SNIP1: variants seen among roughly 807,000 people sequenced by gnomAD.
SNIP1 encodes the protein Smad nuclear interacting protein 1.
SNIP1 carries 23 observed loss-of-function variants against 37.4 expected under a neutral mutation model. That is an observed-to-expected ratio of 0.61 (90% CI 0.44 to 0.87). The LOEUF (loss-of-function observed/expected upper bound fraction) is 0.87. Among genes scored for constraint, SNIP1 ranks in the 40% least tolerant of loss-of-function variants. The probability of loss-of-function intolerance (pLI) is 0.00; values close to 1 mark genes in which losing one functional copy is unlikely to be tolerated. For synonymous variants in SNIP1, 174 were observed against 200.0 expected (o/e 0.87, Z 1.10); for missense variants, 459 against 540.4 (o/e 0.85, Z 1.49).
chr1:37,539,223 A>T (rs1325974482), intron 3 of SNIP1, among the ~76,000 whole-genome samples: 1 of 152,146 alleles, frequency 6.6e-6, no homozygotes, highest in African/African-American at 2.4e-5. Flanking sequence ...AATTATCCCG[A>T]ATTCCCCCGG....
intron 2 of SNIP1, among the ~76,000 whole-genome samples, chr1:37,547,176 C>T (rs140869180): frequency 1.8e-4 from 27 of 152,280 alleles, no homozygotes; most frequent in African/African-American, 5.8e-4. Context: ...AAATTAAGGT[C>T]ATACTGAAGT....
At chr1:37,550,040 A>G (rs1031253640) in intron 2 of SNIP1, among the ~76,000 whole-genome samples, 2 of 151,612 alleles carry the variant, frequency 1.3e-5, no homozygotes, top group Non-Finnish European at 2.9e-5. Context: ...ATTCATAGGC[A>G]AAAAAAACAA....
Position 37,554,094 on chromosome 1 carries a change from G to A in SNIP1, c.136C>T (p.Pro46Ser), listed in dbSNP as rs747440469. The change falls in exon 1 of 4, where the codon CCG becomes TCG. Residue 46 changes from proline to serine, a missense_variant. By Grantham distance (74) the Pro-to-Ser change is moderately conservative. Coordinates refer to ENST00000296215, the MANE Select transcript of SNIP1 (RefSeq NM_024700.4). ...PEVAPPAHRR[P>S]DHSGGSPSPP... The stretch of plus-strand genomic sequence containing the variant: ...GACGGGCTACCACCGGAGTGGTCCG[G>A]ACGGCGGTGGGCGGGAGGTGCGACT... 5.0e-6 allele frequency: 8 copies of A among 1,610,280 alleles called. No individual in the cohort carries two copies. Among genetic ancestry groups the A allele is most frequent in the East Asian group, 2.2e-5 (1 of 44,776 alleles).
At chr1:37,544,766 A>G in intron 2 of SNIP1, 1 of 707,064 alleles carries the variant, frequency 1.4e-6, no homozygotes, top group Non-Finnish European at 2.6e-6. Flanking sequence ...CACCACCATG[A>G]CGACTGCGCG....
chr1:37,551,510 A>T (rs1275598113), intron 2 of SNIP1, among the ~76,000 whole-genome samples: 2 of 152,208 alleles, frequency 1.3e-5, no homozygotes, highest in African/African-American at 4.8e-5. Flanking sequence ...TGTATTAATA[A>T]CTTTTTGGAG....
chr1:37,551,119 A>G (rs2148117521), intron 2 of SNIP1, among the ~76,000 whole-genome samples: 1 of 144,118 alleles, frequency 6.9e-6, no homozygotes, highest in South Asian at 2.1e-4. Context: ...ACACACAAAG[A>G]AAAGATGTCC....
intron 2 of SNIP1, among the ~76,000 whole-genome samples, chr1:37,550,670 A>G (rs1190960576): frequency 1.3e-5 from 2 of 151,488 alleles, no homozygotes; most frequent in Admixed American, 1.3e-4. Flanking sequence ...TCGCGCCATT[A>G]CACTCCAGCC....
chr1:37,535,230 T>TGA lies in SNIP1; in HGVS notation c.*2517_*2518insTC, dbSNP rs1553165371. 5.8e-5 allele frequency: 1 copy of TGA among 17,294 alleles called. No individual in the cohort carries two copies. Among genetic ancestry groups the TGA allele is most frequent in the African/African-American group, 1.3e-4 (1 of 7,984 alleles). 1.1% of individuals were successfully genotyped at this position (17,294 alleles called of 1,614,324 possible). ...ACTAAAAAAAAATAAAAAATAAAAATTATATATATAAATTAGCCAGGCTTG... is the reference window on the plus strand; with the variant it reads ...ACTAAAAAAAAATAAAAAATAAAAATGATATATATATAAATTAGCCAGGCTTG... On this transcript the variant is annotated 3_prime_UTR_variant, in exon 4 of 4. Transcript: ENST00000296215.
In SNIP1 at chr1:37,540,170, C is replaced by T. The variant is rs1292133891; in HGVS notation, c.913G>A (p.Val305Ile). The T allele has an allele frequency of 6.3e-7, 1 of 1,586,736 alleles. No individual in the cohort carries two copies. Reference protein sequence around the residue: ...DHPSCSKQHAVFQYRLVEYTR... With the variant: ...DHPSCSKQHAIFQYRLVEYTR... ...CATGTTACTTACCGATATTGAAAGA[C>T]CGCATGCTGCTTTGAACAAGACGGG... Residue 305 changes from valine (V) to isoleucine (I), a missense_variant, in exon 3 of 4, where the codon GTC (valine) becomes ATC (isoleucine). Val to Ile is a conservative substitution (Grantham distance 29). Transcript: ENST00000296215. The surrounding 1 kb of genome is among the most constrained non-coding windows in gnomAD (Gnocchi z 5.6).
In SNIP1 at chr1:37,540,209, T is replaced by A. The variant is rs766469835; in HGVS notation, c.874A>T (p.Ile292Phe). Residue 292 changes from isoleucine to phenylalanine, a missense_variant, in exon 3 of 4, where the codon ATT (isoleucine) becomes TTT (phenylalanine). By Grantham distance (21) the Ile-to-Phe change is conservative. Coordinates refer to ENST00000296215, the MANE Select transcript of SNIP1 (RefSeq NM_024700.4). This position sits in a 1 kb window ranked among gnomAD's most constrained non-coding sequence, Gnocchi z 5.6. ...GAACAAGACGGGTGATCAATTGGAATGTCTGCAATGCGGCGGTGTCGACCC... is the reference window on the plus strand; with the variant it reads ...GAACAAGACGGGTGATCAATTGGAAAGTCTGCAATGCGGCGGTGTCGACCC... ...LLGRHRRIAD[I>F]PIDHPSCSKQ... 6.2e-7 allele frequency: 1 copy of A among 1,608,552 alleles called. No individual in the cohort carries two copies.
intron 1 of SNIP1, 58 bp downstream of exon 1, chr1:37,553,948 G>T: frequency 6.6e-7 from 1 of 1,524,746 alleles, no homozygotes; most frequent in Non-Finnish European, 8.9e-7. Flanking sequence ...CGCTAGCCCT[G>T]CCCGCCTTTC....
chr1:37,545,118 C>T (rs568523411), intron 2 of SNIP1: 9 of 741,004 alleles, frequency 1.2e-5, no homozygotes, highest in Admixed American at 1.0e-4. Context: ...AAACTGGCCA[C>T]CGACAAAATT....
intron 2 of SNIP1, 28 bp downstream of exon 2, chr1:37,552,617 A>ACC (rs1479096293): frequency 1.3e-6 from 2 of 1,560,446 alleles, no homozygotes; most frequent in Non-Finnish European, 1.8e-6. Context: ...CTCAATTTGG[A>ACC]CCCATCAAAA....
chr1:37,540,637 T>C lies in SNIP1; in HGVS notation c.446A>G (p.Gln149Arg), dbSNP rs1425435996. The C allele has an allele frequency of 6.2e-7, 1 of 1,614,132 alleles. No homozygotes were observed. Among genetic ancestry groups the C allele is most frequent in the South Asian group, 1.1e-5 (1 of 91,078 alleles). The change falls in exon 3 of 4, where the codon CAA (glutamine) becomes CGA (arginine). Residue 149 changes from glutamine (Q) to arginine (R), a missense_variant. Gln to Arg is a conservative substitution (Grantham distance 43). Coordinates refer to ENST00000296215, the MANE Select transcript of SNIP1 (RefSeq NM_024700.4). This position sits in a 1 kb window ranked among gnomAD's most constrained non-coding sequence, Gnocchi z 5.6. ...AGGCCTCTCGTTAGACGTTCTCCTTTGGTGGGAATGGCCCCGGTGTCTGTC... is the reference window on the plus strand; with the variant it reads ...AGGCCTCTCGTTAGACGTTCTCCTTCGGTGGGAATGGCCCCGGTGTCTGTC... ...DRDRHRGHSH[Q>R]RRTSNERPGS...
Position 37,545,789 on chromosome 1 carries a change from C to T in SNIP1, c.328-5034G>A, listed in dbSNP as rs370299691. Among the ~76,000 whole-genome samples the T allele has an allele frequency of 3.9e-4, 59 of 152,082 alleles. 1 individual carries two copies. The South Asian group carries it at 0.011, about 29-fold the overall frequency. The stretch of plus-strand genomic sequence containing the variant: ...CCTGGGTAACATAGTGAGACCCACC[C>T]GCCGCCCTCTCTAAAAATAATAATA... On this transcript the variant is annotated intron_variant, in intron 2 of 3. Coordinates refer to ENST00000296215, the MANE Select transcript of SNIP1 (RefSeq NM_024700.4).
rs1038842056 is a variant in SNIP1, at chr1:37,545,110, A to T, written c.328-4355T>A. ...ATCAGTCACTACTGGAACTGCACAA[A>T]CTGGCCACCGACAAAATTACCCCCA... On this transcript the variant is annotated intron_variant, in intron 2 of 3. Transcript: ENST00000296215. 9.4e-6 allele frequency: 7 copies of T among 742,478 alleles called. No individual in the cohort carries two copies. The African/African-American group carries it at 1.2e-4, about 13-fold the overall frequency. The allele number at this position is 742,478 out of a possible 1,614,324, so 46.0% of individuals were successfully genotyped here.
chr1:37,551,508 T>C (rs553614097), intron 2 of SNIP1, among the ~76,000 whole-genome samples: 48 of 152,348 alleles, frequency 3.2e-4, no homozygotes, highest in Non-Finnish European at 2.8e-4. Context: ...AATGTATTAA[T>C]AACTTTTTGG....
chr1:37,552,555 C>T, intron 2 of SNIP1, 90 bp downstream of exon 2: 1 of 1,087,876 alleles, frequency 9.2e-7, no homozygotes, highest in Non-Finnish European at 1.4e-6. Context: ...CACATGTGTG[C>T]ACACACACAA....
Position 37,540,774 on chromosome 1 carries a change from C to A in SNIP1, c.328-19G>T. On this transcript the variant is annotated intron_variant, in intron 2 of 3. Transcript: ENST00000296215. The surrounding 1 kb of genome is among the most constrained non-coding windows in gnomAD (Gnocchi z 5.6). ...CACGCTCCTAAAATTCAAACAGATT[C>A]TGTAATTTAAACGCAGTGCACAATC... is the stretch of plus-strand genomic sequence containing the variant. 1.9e-6 allele frequency: 3 copies of A among 1,564,634 alleles called. No homozygotes were observed. Among genetic ancestry groups the A allele is most frequent in the Non-Finnish European group, 2.6e-6 (3 of 1,154,982 alleles).
Sources: allele counts gnomAD v4.1 joint callset (sites outside exome capture counted in the v4.1 genomes callset), GRCh38; gene constraint gnomAD v4.1.1; non-coding constraint Gnocchi (gnomAD v3.1); transcripts MANE v1.5; gene names NCBI Gene and HGNC (gene_info 2026-07-23, HGNC 2026-07-21).